Variants in GPR176 observed in about 807,000 individuals in gnomAD.
GPR176 encodes G-protein coupled receptor 176.
A neutral mutation model predicts 35.4 loss-of-function variants in GPR176; 26 were observed. The ratio of observed to expected loss-of-function variants is 0.74; its 90% confidence interval spans 0.54 to 1.02. The LOEUF is 1.02. Among genes scored for constraint, GPR176 ranks in the 50% least tolerant of loss-of-function variants. GPR176 has a pLI of 0.00. For missense variants in GPR176, 597 were observed against 665.3 expected, an observed-to-expected ratio of 0.90 and a Z score of 1.13; for synonymous variants, 278 against 271.3, an observed-to-expected ratio of 1.02 and a Z score of -0.24.
intron 1 of GPR176, among the ~76,000 whole-genome samples, chr15:39,862,724 T>C (rs544152852): frequency 6.6e-6 from 1 of 152,246 alleles, no homozygotes; most frequent in South Asian, 2.1e-4. Context: ...GCCATTCATA[T>C]AGAAGTATAA....
chr15:39,824,661 A>G (rs1279026063), intron 1 of GPR176, among the ~76,000 whole-genome samples: 3 of 152,224 alleles, frequency 2.0e-5, no homozygotes, highest in Non-Finnish European at 2.9e-5. Flanking sequence ...TGAACACTAA[A>G]TATGTATTTG....
intron 1 of GPR176, among the ~76,000 whole-genome samples, chr15:39,854,875 C>T (rs1246768432): frequency 6.6e-6 from 1 of 151,890 alleles, no homozygotes. Flanking sequence ...CCCCCCACCA[C>T]ACCCCTAGTC....
At chr15:39,892,674 G>C (rs896197656) in intron 1 of GPR176, among the ~76,000 whole-genome samples, 1 of 152,234 alleles carries the variant, frequency 6.6e-6, no homozygotes, top group Non-Finnish European at 1.5e-5. Context: ...TGACCACAGA[G>C]GCAGGGACTG....
chr15:39,903,247 A>G (rs1595520410), intron 1 of GPR176, among the ~76,000 whole-genome samples: 1 of 147,964 alleles, frequency 6.8e-6, no homozygotes, highest in East Asian at 2.0e-4. Context: ...GAGCATCTGT[A>G]CTTTATTCGA....
chr15:39,864,606 G>A (rs1450738489), intron 1 of GPR176, among the ~76,000 whole-genome samples: 1 of 151,948 alleles, frequency 6.6e-6, no homozygotes, highest in African/African-American at 2.4e-5. Context: ...GGAAACCTAG[G>A]AAAAACTCTT....
chr15:39,869,300 T>G (rs948514703), intron 1 of GPR176, among the ~76,000 whole-genome samples: 14 of 152,206 alleles, frequency 9.2e-5, no homozygotes, highest in African/African-American at 3.4e-4. Flanking sequence ...CTATATCTTT[T>G]CCTCCATCAA....
rs768341223 is a variant in GPR176 at position 39,807,256 on chromosome 15, T to C, written c.175A>G (p.Asn59Asp). The change falls in exon 2 of 3, where the codon AAC becomes GAC. Residue 59 changes from asparagine (N) to aspartate (D), a missense_variant and splice_region_variant. Coordinates refer to ENST00000561100, the MANE Select transcript of GPR176 (RefSeq NM_007223.3). ...VVIFIGSLLG[N>D]FMVLWSTCRT... ...CAAGTTGACCATAACACCATGAAGTTTCCTGGTCAGATATGAAAGAAAATA... is the reference window on the plus strand; with the variant it reads ...CAAGTTGACCATAACACCATGAAGTCTCCTGGTCAGATATGAAAGAAAATA... 1 of 1,518,552 alleles carries C rather than the reference T, an allele frequency of 6.6e-7. No individual in the cohort carries two copies. The highest frequency in any genetic ancestry group is 1.3e-5 in the South Asian group (1 of 74,116). The allele number at this position is 1,518,552 out of a possible 1,614,324, so 94.1% of individuals were successfully genotyped here. A position where few individuals can be genotyped will look rare whatever the true frequency, so the allele number is the denominator to read the frequency against.
intron 1 of GPR176, among the ~76,000 whole-genome samples, chr15:39,876,963 GA>G (rs1261176432): frequency 6.6e-6 from 1 of 152,066 alleles, no homozygotes; most frequent in African/African-American, 2.4e-5. Flanking sequence ...GAATCAGGGG[GA>G]AAAAATAAGG....
At position 39,890,334 on chromosome 15, in the gene GPR176, T is replaced by C. The variant is rs1334387966; in HGVS notation, c.172+29521A>G. On this transcript the variant is annotated intron_variant, in intron 1 of 2. Coordinates refer to ENST00000561100, the MANE Select transcript of GPR176 (RefSeq NM_007223.3). ...AATTCGGGTTTTTTGCAGGTCACTATAGAAGAGATTGCACTGAAAACTGAA... is the reference window on the plus strand; with the variant it reads ...AATTCGGGTTTTTTGCAGGTCACTACAGAAGAGATTGCACTGAAAACTGAA... Among the ~76,000 whole-genome samples, 4 of 152,220 alleles carry C rather than the reference T, an allele frequency of 2.6e-5. No homozygotes were observed. In the East Asian group the frequency reaches 7.7e-4, roughly 29 times the overall value.
At chr15:39,869,004 C>CAAA (rs113653046) in intron 1 of GPR176, among the ~76,000 whole-genome samples, 32 of 140,204 alleles carry the variant, frequency 2.3e-4, no homozygotes, top group Admixed American at 2.3e-3. Context: ...AATTCTGTCT[C>CAAA]AAAAAAAAAA....
chr15:39,896,079 A>G (rs1456625250), intron 1 of GPR176, among the ~76,000 whole-genome samples: 3 of 152,136 alleles, frequency 2.0e-5, no homozygotes, highest in African/African-American at 7.2e-5. Context: ...TTTAGAGACA[A>G]GATCTCGCTT....
At chr15:39,863,468 C>T (rs1377086567) in intron 1 of GPR176, among the ~76,000 whole-genome samples, 1 of 151,820 alleles carries the variant, frequency 6.6e-6, no homozygotes, top group African/African-American at 2.4e-5. Context: ...ACAAAAGAAT[C>T]CAAAAGCTTT....
At position 39,801,418 on chromosome 15, in the gene GPR176, G is replaced by C; in HGVS notation, c.1262C>G (p.Ser421Cys). 6.2e-7 allele frequency: 1 copy of C among 1,614,240 alleles called. No homozygotes were observed. Among genetic ancestry groups the C allele is most frequent in the East Asian group, 2.2e-5 (1 of 44,884 alleles). The change falls in exon 3 of 3, where the codon TCT becomes TGT. Residue 421 changes from serine (S) to cysteine (C), a missense_variant. By Grantham distance (112) the Ser-to-Cys change is moderately radical. This residue lies in a region of GPR176 where 251 missense variants were observed against 255.4 expected (regional missense o/e 0.98). Transcript: ENST00000561100. Reference sequence around the variant, plus strand: ...GTCCACTGTGCTCAGGGGTGGGGCAGAGGGCGCAAACTGTGGCCCCTGCTC... The same window carrying C: ...GTCCACTGTGCTCAGGGGTGGGGCACAGGGCGCAAACTGTGGCCCCTGCTC... ...EGEQGPQFAP[S>C]APPLSTVDSV...
At chr15:39,851,533 T>C (rs1239164308) in intron 1 of GPR176, among the ~76,000 whole-genome samples, 1 of 152,180 alleles carries the variant, frequency 6.6e-6, no homozygotes, top group African/African-American at 2.4e-5. Context: ...CATCACTGAA[T>C]GACCTTAGAA....
rs534881983 is a variant in GPR176 at position 39,806,950 on chromosome 15, C to T, written c.425+56G>A. 8.5e-5 allele frequency: 128 copies of T among 1,507,670 alleles called. 2 individuals are homozygous for T. In the Admixed American group the frequency reaches 2.1e-3, roughly 25 times the overall value. 93.4% of individuals were successfully genotyped at this position (1,507,670 alleles called of 1,614,324 possible). A position where few individuals can be genotyped will look rare whatever the true frequency, so the allele number is the denominator to read the frequency against. On this transcript the variant is annotated intron_variant, in intron 2 of 2. Coordinates refer to ENST00000561100, the MANE Select transcript of GPR176 (RefSeq NM_007223.3). ...ACTACTCATCATTTGCTTCATGATG[C>T]TAATTTTTTAATACAACTTAAAAAA...
At chr15:39,890,683 T>C (rs1318440407) in intron 1 of GPR176, among the ~76,000 whole-genome samples, 2 of 152,212 alleles carry the variant, frequency 1.3e-5, no homozygotes, top group Non-Finnish European at 2.9e-5. Flanking sequence ...CACACAAGTG[T>C]TCAATATCAC....
intron 1 of GPR176, among the ~76,000 whole-genome samples, chr15:39,872,289 A>C (rs1479319387): frequency 6.6e-6 from 1 of 152,232 alleles, no homozygotes; most frequent in Non-Finnish European, 1.5e-5. Flanking sequence ...TGTTCATTCC[A>C]AACTGAAGCA....
chr15:39,828,614 T>TCTTTTGATTCA (rs1900844664), intron 1 of GPR176, among the ~76,000 whole-genome samples: 1 of 152,216 alleles, frequency 6.6e-6, no homozygotes, highest in Non-Finnish European at 1.5e-5. Context: ...AGACGTGGTT[T>TCTTTTGATTCA]CTTTTGATTC....
intron 1 of GPR176, among the ~76,000 whole-genome samples, chr15:39,877,853 C>T (rs1280642382): frequency 2.6e-5 from 4 of 152,112 alleles, no homozygotes; most frequent in Admixed American, 1.3e-4. Flanking sequence ...TGAGCCACCG[C>T]ACCCTGCCCC....
Sources: gnomAD v4.1 joint callset for allele counts (sites outside exome capture counted in the v4.1 genomes callset) on GRCh38, gnomAD v4.1.1 for gene constraint, gnomAD v4.1.1 regional missense constraint, MANE v1.5 for transcripts, NCBI Gene and HGNC (gene_info 2026-07-23, HGNC 2026-07-21) for gene names.